The following ARHGAP24 variants were observed in gnomAD, a reference collection of about 807,000 sequenced individuals.
ARHGAP24 encodes Rho GTPase activating protein 24.
A neutral mutation model predicts 76.4 loss-of-function variants in ARHGAP24; 50 were observed. That is an observed-to-expected ratio of 0.65 (90% confidence interval 0.52 to 0.83). The LOEUF (loss-of-function observed/expected upper bound fraction) is 0.83, where lower values mean the gene tolerates loss of function less well. Ranked by LOEUF, ARHGAP24 falls within the 40% of genes least tolerant of loss-of-function variation. The probability of loss-of-function intolerance (pLI) is 0.00; values close to 1 mark genes in which losing one functional copy is unlikely to be tolerated. For missense variants in ARHGAP24, 930 were observed against 914.2 expected (o/e 1.02, Z -0.22); for synonymous variants, 345 against 323.3 (o/e 1.07, Z -0.72).
intron 3 of ARHGAP24, among the ~76,000 whole-genome samples, chr4:85,755,621 CTTTTGTTTTG>C (rs1220600706): frequency 1.4e-4 from 3 of 21,302 alleles, no homozygotes; most frequent in African/African-American, 1.6e-4. Context: ...AGCTTCTATT[CTTTTGTTTTG>C]TTTTGTTTTG....
chr4:85,939,866 T>C (rs1736857026), intron 4 of ARHGAP24, among the ~76,000 whole-genome samples: 2 of 151,138 alleles, frequency 1.3e-5, no homozygotes, highest in African/African-American at 4.9e-5. Flanking sequence ...AACCCTTAGG[T>C]AATATATTCA....
chr4:85,752,427 A>T (rs778688020), intron 3 of ARHGAP24, among the ~76,000 whole-genome samples: 12 of 151,774 alleles, frequency 7.9e-5, no homozygotes, highest in Non-Finnish European at 1.3e-4. Flanking sequence ...AGTGTGAGTT[A>T]TCTTTGCTGA....
chr4:85,672,040 C>T (rs1046357790), intron 2 of ARHGAP24, among the ~76,000 whole-genome samples: 1 of 152,152 alleles, frequency 6.6e-6, no homozygotes, highest in African/African-American at 2.4e-5. Context: ...GAACACAACA[C>T]AGTTTTCTGT....
chr4:85,622,155 G>C (rs1030512969), intron 2 of ARHGAP24, among the ~76,000 whole-genome samples: 2 of 151,720 alleles, frequency 1.3e-5, no homozygotes, highest in Admixed American at 6.6e-5. Flanking sequence ...ATGCAGGTTT[G>C]TTACATATGT....
chr4:85,973,498 G>T (rs1486909418), intron 6 of ARHGAP24, among the ~76,000 whole-genome samples: 1 of 151,938 alleles, frequency 6.6e-6, no homozygotes, highest in African/African-American at 2.4e-5. Context: ...TTTTATTGAT[G>T]GTGTCCTTTG....
At chr4:85,924,666 C>G (rs1735918668) in intron 4 of ARHGAP24, 1 of 149,508 alleles carries the variant, frequency 6.7e-6, no homozygotes, top group Admixed American at 6.6e-5. Context: ...TTTCTCTGAA[C>G]AGATCGGACA....
At chr4:85,914,920 C>T (rs551259204) in intron 3 of ARHGAP24, among the ~76,000 whole-genome samples, 17 of 152,330 alleles carry the variant, frequency 1.1e-4, no homozygotes, top group African/African-American at 4.1e-4. Flanking sequence ...TCTCTCATAG[C>T]AGCCTTCCTC....
intron 3 of ARHGAP24, among the ~76,000 whole-genome samples, chr4:85,863,762 C>T (rs771635369): frequency 2.6e-5 from 4 of 152,016 alleles, no homozygotes; most frequent in Admixed American, 6.6e-5. Flanking sequence ...GGTATAAACC[C>T]GGCGTTTGTT....
intron 3 of ARHGAP24, among the ~76,000 whole-genome samples, chr4:85,754,985 C>G (rs1360859190): frequency 6.6e-6 from 1 of 152,142 alleles, no homozygotes; most frequent in Non-Finnish European, 1.5e-5. Context: ...CTAAAAAGTG[C>G]TATTCAGATG....
At chr4:85,524,033 G>A (rs868115758) in intron 1 of ARHGAP24, among the ~76,000 whole-genome samples, 1 of 152,056 alleles carries the variant, frequency 6.6e-6, no homozygotes, top group Non-Finnish European at 1.5e-5. Flanking sequence ...CTGTATCCAT[G>A]GTGTACATTT....
At chr4:85,649,006 TAA>T (rs1721829525) in intron 2 of ARHGAP24, among the ~76,000 whole-genome samples, 1 of 96,208 alleles carries the variant, frequency 1.0e-5, no homozygotes, top group African/African-American at 3.3e-5. Flanking sequence ...ATTGCATTTG[TAA>T]ATATGTGTGT....
At chr4:85,803,507 A>T (rs978805234) in intron 3 of ARHGAP24, among the ~76,000 whole-genome samples, 11 of 152,286 alleles carry the variant, frequency 7.2e-5, no homozygotes, top group African/African-American at 2.6e-4. Flanking sequence ...CTTCATCATG[A>T]TGCTCATTTT....
chr4:85,997,921 T>G (rs1740781669), intron 9 of ARHGAP24, among the ~76,000 whole-genome samples: 1 of 152,184 alleles, frequency 6.6e-6, no homozygotes, highest in Admixed American at 6.5e-5. Context: ...CCTCCCAAAG[T>G]GCTGGGGTTA....
At chr4:85,589,358 A>G (rs186472882) in intron 2 of ARHGAP24, among the ~76,000 whole-genome samples, 149 of 152,300 alleles carry the variant, frequency 9.8e-4, no homozygotes, top group African/African-American at 3.5e-3. Context: ...TGTGTATTTT[A>G]TTCATATGTC....
intron 3 of ARHGAP24, among the ~76,000 whole-genome samples, chr4:85,907,675 T>C (rs1051307367): frequency 1.3e-5 from 2 of 152,172 alleles, no homozygotes; most frequent in African/African-American, 2.4e-5. Flanking sequence ...GGATTAGAAA[T>C]TGGAGATTCA....
chr4:85,664,638 T>C (rs1322852655), intron 2 of ARHGAP24, among the ~76,000 whole-genome samples: 1 of 150,880 alleles, frequency 6.6e-6, no homozygotes, highest in African/African-American at 2.5e-5. Context: ...CTGCTTTCTC[T>C]TGTGGGCATT....
At chr4:85,756,381 C>T (rs1177001348) in intron 3 of ARHGAP24, among the ~76,000 whole-genome samples, 2 of 152,186 alleles carry the variant, frequency 1.3e-5, no homozygotes, top group East Asian at 3.8e-4. Flanking sequence ...CACTGGACTT[C>T]AAAATGCTGA....
intron 2 of ARHGAP24, among the ~76,000 whole-genome samples, chr4:85,669,701 T>TAC (rs1722761132): frequency 7.3e-6 from 1 of 136,576 alleles, no homozygotes; most frequent in Admixed American, 7.6e-5. Flanking sequence ...ATGTGATATA[T>TAC]ATAGCTATAT....
In ARHGAP24 at chr4:86,000,456, A is replaced by ACCC. The variant is rs144475387; in HGVS notation, c.2004-17_2004-15dup. The stretch of plus-strand genomic sequence containing the variant: ...TCTTACTCTTGCGTCCCCACCCCCC[A>ACCC]CCCCCCCCAACATCCTTTGTAGCTT... On this transcript the variant is annotated intron_variant, in intron 9 of 9. Coordinates refer to ENST00000395184, the MANE Select transcript of ARHGAP24 (RefSeq NM_001025616.3). 6.7e-4 allele frequency: 323 copies of ACCC among 485,668 alleles called. 1 individual carries two copies. The African/African-American group carries it at 9.6e-3, about 15-fold the overall frequency. 30.1% of individuals were successfully genotyped at this position (485,668 alleles called of 1,614,324 possible). A position where few individuals can be genotyped will look rare whatever the true frequency, so the allele number is the denominator to read the frequency against.
Sources: allele counts gnomAD v4.1 joint callset (sites outside exome capture counted in the v4.1 genomes callset), GRCh38; gene constraint gnomAD v4.1.1; transcripts MANE v1.5; gene names NCBI Gene and HGNC (gene_info 2026-07-23, HGNC 2026-07-21).